The following LRCH1 variants were observed in gnomAD, a reference collection of about 807,000 sequenced individuals.
The protein encoded by LRCH1 is leucine-rich repeat and calponin homology domain-containing protein 1.
In LRCH1, 23 loss-of-function variants were observed where a neutral mutation model predicts 94.9. That is an observed-to-expected ratio of 0.24 (90% CI 0.17 to 0.34). The LOEUF is 0.34. Ranked by LOEUF, LRCH1 falls within the 10% of genes least tolerant of loss-of-function variation. LRCH1 has a pLI of 1.00. For synonymous variants in LRCH1, 364 were observed against 354.9 expected, an observed-to-expected ratio of 1.03 and a Z score of -0.29; for missense variants, 790 against 945.9, an observed-to-expected ratio of 0.84 and a Z score of 2.16.
chr13:46,704,741 A>G (rs1420133189), intron 11 of LRCH1, among the ~76,000 whole-genome samples: 1 of 152,076 alleles, frequency 6.6e-6, no homozygotes, highest in African/African-American at 2.4e-5. Flanking sequence ...CAGCAACTTG[A>G]CTTGCTTCTG....
chr13:46,640,106 C>T (rs1487810314), intron 1 of LRCH1, among the ~76,000 whole-genome samples: 1 of 152,230 alleles, frequency 6.6e-6, no homozygotes, highest in Admixed American at 6.5e-5. Context: ...CTAGAGAAAA[C>T]TGTTAAGTAA....
At chr13:46,683,137 AT>A (rs755341901) in intron 4 of LRCH1, among the ~76,000 whole-genome samples, 8 of 152,264 alleles carry the variant, frequency 5.3e-5, no homozygotes, top group Non-Finnish European at 1.0e-4. Flanking sequence ...AACAGTCAGC[AT>A]TTGGTTAATC....
At chr13:46,553,851 G>A in intron 1 of LRCH1, 148 bp downstream of exon 1, 2 of 1,467,942 alleles carry the variant, frequency 1.4e-6, no homozygotes, top group East Asian at 5.0e-5. Context: ...AGGGACTCGC[G>A]TGGGCGCGGA....
intron 3 of LRCH1, among the ~76,000 whole-genome samples, chr13:46,675,384 T>A (rs1048398188): frequency 2.6e-5 from 4 of 152,194 alleles, no homozygotes; most frequent in African/African-American, 7.2e-5. Context: ...TCTGAAGTCA[T>A]GCAGTGTGTG....
intron 18 of LRCH1, among the ~76,000 whole-genome samples, chr13:46,730,387 T>A (rs767321189): frequency 6.6e-6 from 1 of 152,118 alleles, no homozygotes; most frequent in East Asian, 1.9e-4. Flanking sequence ...AAAAGTGCAA[T>A]GTTCATAAAA....
chr13:46,553,215 G>A lies in LRCH1; in HGVS notation c.-182G>A. On this transcript the variant is annotated 5_prime_UTR_variant, in exon 1 of 20. Coordinates refer to ENST00000389797, the MANE Select transcript of LRCH1 (RefSeq NM_001164211.2). ...GACAGGAAACCTTCAAGACCGAGCT[G>A]CCACGGCCGCCTCCCCGCCCGCCCC... 1.8e-6 allele frequency: 1 copy of A among 568,674 alleles called. No individual in the cohort carries two copies. Among genetic ancestry groups the A allele is most frequent in the Non-Finnish European group, 3.1e-6 (1 of 323,646 alleles). 35.2% of individuals were successfully genotyped at this position (568,674 alleles called of 1,614,324 possible).
At chr13:46,567,151 C>T (rs1305720646) in intron 1 of LRCH1, among the ~76,000 whole-genome samples, 1 of 152,192 alleles carries the variant, frequency 6.6e-6, no homozygotes, top group East Asian at 1.9e-4. Context: ...GAACGAATTT[C>T]ATCGAGTGCA....
In LRCH1 at chr13:46,595,667, T is replaced by A. The variant is rs117128304; in HGVS notation, c.307+41964T>A. Among the ~76,000 whole-genome samples, 93 of 152,352 alleles carry A rather than the reference T, an allele frequency of 6.1e-4. 1 individual carries two copies. The East Asian group carries it at 0.017, about 28-fold the overall frequency. Reference sequence around the variant, plus strand: ...AATTGTGAACTCAGAAGAGATGAGTTCCAGCTATGACTCAGTGTGAGTTCC... The same window carrying A: ...AATTGTGAACTCAGAAGAGATGAGTACCAGCTATGACTCAGTGTGAGTTCC... On this transcript the variant is annotated intron_variant, in intron 1 of 19. Transcript: ENST00000389797.
intron 2 of LRCH1, among the ~76,000 whole-genome samples, chr13:46,652,187 C>T (rs1363139634): frequency 1.3e-5 from 2 of 152,008 alleles, no homozygotes; most frequent in Non-Finnish European, 2.9e-5. Flanking sequence ...CGCCGTTCTA[C>T]TGCCTCAGCC....
intron 1 of LRCH1, among the ~76,000 whole-genome samples, chr13:46,564,552 G>T (rs1049671762): frequency 6.6e-6 from 1 of 152,206 alleles, no homozygotes; most frequent in Non-Finnish European, 1.5e-5. Context: ...GCACTCAGCG[G>T]CTGGGAAACA....
chr13:46,553,660 T>A lies in LRCH1; in HGVS notation c.264T>A (p.Arg88=), dbSNP rs749166287. Residue 88 remains arginine (R), a synonymous_variant, in exon 1 of 20, where the codon CGT becomes CGA. Coordinates refer to ENST00000389797, the MANE Select transcript of LRCH1 (RefSeq NM_001164211.2). ...CCAGGAAATTGAAGGAATTTCCCCG[T>A]ACCGCAGCCCCCGGGCACGACCTCT... ...LSARKLKEFP[R]TAAPGHDLSD... The A allele has an allele frequency of 1.2e-6, 2 of 1,609,228 alleles. No individual in the cohort carries two copies. Among genetic ancestry groups the A allele is most frequent in the Admixed American group, 1.7e-5 (1 of 59,774 alleles).
At chr13:46,595,867 G>GTTTTTT (rs5803355) in intron 1 of LRCH1, among the ~76,000 whole-genome samples, 1 of 146,434 alleles carries the variant, frequency 6.8e-6, no homozygotes, top group Non-Finnish European at 1.5e-5. Context: ...GCCTCACATT[G>GTTTTTT]TTTTTTTTTT....
At chr13:46,584,537 G>C (rs1384596907) in intron 1 of LRCH1, among the ~76,000 whole-genome samples, 2 of 152,222 alleles carry the variant, frequency 1.3e-5, no homozygotes, top group African/African-American at 2.4e-5. Context: ...GGGTTGCATA[G>C]CTTGTGATGT....
chr13:46,659,298 T>G (rs1404419367), intron 2 of LRCH1, among the ~76,000 whole-genome samples: 11 of 152,138 alleles, frequency 7.2e-5, no homozygotes, highest in African/African-American at 2.7e-4. Flanking sequence ...GTTCAAGCGA[T>G]TCTCCTGCCT....
chr13:46,590,948 G>A (rs1027808183), intron 1 of LRCH1, among the ~76,000 whole-genome samples: 2 of 151,520 alleles, frequency 1.3e-5, no homozygotes, highest in Non-Finnish European at 2.9e-5. Flanking sequence ...TTTCTTCTCT[G>A]AACTTTATTT....
At chr13:46,664,087 G>A (rs2051483772) in intron 2 of LRCH1, among the ~76,000 whole-genome samples, 1 of 152,138 alleles carries the variant, frequency 6.6e-6, no homozygotes, top group African/African-American at 2.4e-5. Context: ...TGGTTTGTTT[G>A]GGCCTGAAAT....
chr13:46,732,953 G>A (rs897249236), intron 18 of LRCH1, among the ~76,000 whole-genome samples: 38 of 152,138 alleles, frequency 2.5e-4, no homozygotes, highest in African/African-American at 8.7e-4. Flanking sequence ...TGTTTCACAG[G>A]GCAACAGACT....
chr13:46,747,624 T>G (rs1004480843), downstream of LRCH1, among the ~76,000 whole-genome samples: 1 of 152,264 alleles, frequency 6.6e-6, no homozygotes, highest in Non-Finnish European at 1.5e-5. Context: ...TGCACTGCCT[T>G]AGGCAAATCC....
intron 3 of LRCH1, among the ~76,000 whole-genome samples, chr13:46,669,419 T>C (rs1172225272): frequency 6.6e-6 from 1 of 152,212 alleles, no homozygotes; most frequent in South Asian, 2.1e-4. Flanking sequence ...GTTTATGGGC[T>C]ATCATGTTGT....
Sources: allele counts gnomAD v4.1 joint callset (sites outside exome capture counted in the v4.1 genomes callset), GRCh38; gene constraint gnomAD v4.1.1; transcripts MANE v1.5; gene names NCBI Gene and HGNC (gene_info 2026-07-23, HGNC 2026-07-21).